The following NTNG1 variants were observed in gnomAD, a reference collection of about 807,000 sequenced individuals.
NTNG1 encodes the protein netrin G1, also known as netrin-G1.
NTNG1 carries 16 observed loss-of-function variants against 54.0 expected under a neutral mutation model. The ratio of observed to expected loss-of-function variants is 0.30; its 90% confidence interval spans 0.20 to 0.45. The LOEUF is 0.45. NTNG1 is among the 20% of genes least tolerant of loss of function. NTNG1 has a pLI of 1.00. For missense variants in NTNG1, 530 were observed against 678.7 expected (o/e 0.78, Z 2.43); for synonymous variants, 255 against 263.1 (o/e 0.97, Z 0.30).
intron 5 of NTNG1, 128 bp from the exon 6 acceptor site, chr1:107,430,622 T>C (rs1675199794): frequency 1.1e-6 from 1 of 920,194 alleles, no homozygotes; most frequent in African/African-American, 1.6e-5. Context: ...CCATGTGTTG[T>C]GTTGAATCAC....
intron 2 of NTNG1, among the ~76,000 whole-genome samples, chr1:107,282,794 A>C (rs957998020): frequency 5.3e-5 from 8 of 152,178 alleles, no homozygotes; most frequent in Non-Finnish European, 1.0e-4. Context: ...TCAGGCTGCT[A>C]TAACAAAATA....
In NTNG1 at chr1:107,370,240, TAA is replaced by T. The variant is rs35235511; in HGVS notation, c.888-24897_888-24896del. Among the ~76,000 whole-genome samples the T allele has an allele frequency of 2.9e-3, 367 of 125,604 alleles. 3 individuals are homozygous for T. The highest frequency in any genetic ancestry group is 8.9e-3 in the African/African-American group (308 of 34,492). 82.4% of individuals were successfully genotyped at this position (125,604 alleles called of 152,430 possible). A position where few individuals can be genotyped will look rare whatever the true frequency, so the allele number is the denominator to read the frequency against. ...TTTTAGAATGAGCTTGTCAATTTCT[TAA>T]AAAAAAAAAAAAAAAAGCTGCTGAG... is the stretch of plus-strand genomic sequence containing the variant. On this transcript the variant is annotated intron_variant, in intron 3 of 7. Transcript: ENST00000370068.
At chr1:107,254,947 T>C (rs1452841272) in intron 2 of NTNG1, among the ~76,000 whole-genome samples, 1 of 152,224 alleles carries the variant, frequency 6.6e-6, no homozygotes, top group East Asian at 1.9e-4. Context: ...TAAAGAATCT[T>C]TCTATGCTTC....
At chr1:107,337,332 A>G (rs1424664390) in intron 3 of NTNG1, among the ~76,000 whole-genome samples, 1 of 152,058 alleles carries the variant, frequency 6.6e-6, no homozygotes, top group African/African-American at 2.4e-5. Flanking sequence ...ACTTAAAGAC[A>G]TTATGCTAAG....
At chr1:107,302,585 T>C (rs1666391554) in intron 2 of NTNG1, among the ~76,000 whole-genome samples, 1 of 152,044 alleles carries the variant, frequency 6.6e-6, no homozygotes. Context: ...AGCTTTAGTA[T>C]TTTTTTAAAG....
At chr1:107,364,309 A>C (rs774653066) in intron 3 of NTNG1, among the ~76,000 whole-genome samples, 1 of 152,214 alleles carries the variant, frequency 6.6e-6, no homozygotes, top group Non-Finnish European at 1.5e-5. Context: ...TGTTAACTGC[A>C]TAATGAGGTA....
chr1:107,284,362 A>C (rs763271744), intron 2 of NTNG1, among the ~76,000 whole-genome samples: 8 of 152,012 alleles, frequency 5.3e-5, no homozygotes, highest in Non-Finnish European at 1.2e-4. Context: ...GAATATCCCC[A>C]CTCTCAAGAA....
At chr1:107,158,012 C>G (rs898963044) in intron 2 of NTNG1, among the ~76,000 whole-genome samples, 1 of 152,106 alleles carries the variant, frequency 6.6e-6, no homozygotes, top group East Asian at 1.9e-4. Context: ...GGGAAAGATT[C>G]ATCTGAGTGC....
At chr1:107,252,335 G>C (rs1475322727) in intron 2 of NTNG1, among the ~76,000 whole-genome samples, 1 of 152,142 alleles carries the variant, frequency 6.6e-6, no homozygotes, top group Non-Finnish European at 1.5e-5. Context: ...TTAATTTGGT[G>C]ATTCCTTCCT....
chr1:107,146,790 T>G (rs754610581), intron 1 of NTNG1, among the ~76,000 whole-genome samples: 1 of 152,026 alleles, frequency 6.6e-6, no homozygotes, highest in African/African-American at 2.4e-5. Context: ...GGAAACACAA[T>G]TCAACCATCT....
chr1:107,311,990 G>A (rs1466899323), intron 2 of NTNG1, among the ~76,000 whole-genome samples: 2 of 152,086 alleles, frequency 1.3e-5, no homozygotes, highest in Non-Finnish European at 2.9e-5. Context: ...TGAATGGTAC[G>A]CTCGAAGGGT....
intron 2 of NTNG1, among the ~76,000 whole-genome samples, chr1:107,174,481 G>T (rs1656490558): frequency 6.6e-6 from 1 of 151,628 alleles, no homozygotes; most frequent in Non-Finnish European, 1.5e-5. Context: ...TTCTTCTGTA[G>T]AAGCCATTAG....
intron 2 of NTNG1, among the ~76,000 whole-genome samples, chr1:107,268,333 C>T (rs7554460): frequency 0.037 from 5,624 of 152,190 alleles, 331 homozygotes; most frequent in African/African-American, 0.13. Flanking sequence ...GTCCAATAAC[C>T]AGTGATCTCT....
chr1:107,349,395 C>T (rs955875184), intron 3 of NTNG1, among the ~76,000 whole-genome samples: 1 of 151,624 alleles, frequency 6.6e-6, no homozygotes. Flanking sequence ...GCATAAAATC[C>T]TTTTTAATGA....
chr1:107,418,692 G>A (rs940338729), intron 5 of NTNG1: 10 of 1,298,712 alleles, frequency 7.7e-6, no homozygotes, highest in Non-Finnish European at 1.1e-5. Flanking sequence ...CACATGTTTG[G>A]GGGAAAATCC....
intron 7 of NTNG1, among the ~76,000 whole-genome samples, chr1:107,462,036 C>T (rs968646077): frequency 1.2e-4 from 18 of 152,114 alleles, no homozygotes; most frequent in South Asian, 2.1e-4. Context: ...TTAGGAGCAA[C>T]GCAGATAATG....
At chr1:107,309,268 A>G (rs935003743) in intron 2 of NTNG1, among the ~76,000 whole-genome samples, 4 of 152,122 alleles carry the variant, frequency 2.6e-5, no homozygotes, top group Non-Finnish European at 5.9e-5. Flanking sequence ...TCTGGCTCAC[A>G]ATAGGGTCTC....
At chr1:107,300,210 C>T (rs367608826) in intron 2 of NTNG1, among the ~76,000 whole-genome samples, 2 of 152,174 alleles carry the variant, frequency 1.3e-5, no homozygotes, top group Admixed American at 6.6e-5. Context: ...GCAGAGGTTG[C>T]ACACTGGCAG....
intron 3 of NTNG1, among the ~76,000 whole-genome samples, chr1:107,356,671 C>G (rs553428643): frequency 6.6e-6 from 1 of 151,382 alleles, no homozygotes; most frequent in South Asian, 2.1e-4. Flanking sequence ...TGAAGGGAGT[C>G]AAGTCATTAG....
Sources: gnomAD v4.1 joint callset for allele counts (sites outside exome capture counted in the v4.1 genomes callset) on GRCh38, gnomAD v4.1.1 for gene constraint, MANE v1.5 for transcripts, NCBI Gene and HGNC (gene_info 2026-07-23, HGNC 2026-07-21) for gene names.